Variants in RARB observed in about 807,000 individuals in gnomAD.
RARB encodes the protein HBV-activated protein.
Under a neutral mutation model 51.9 loss-of-function variants are expected in RARB, and 17 were observed. The ratio of observed to expected loss-of-function variants is 0.33; its 90% CI spans 0.22 to 0.49. RARB has a LOEUF of 0.49. RARB is among the 20% of genes least tolerant of loss of function. The pLI, the probability that RARB is intolerant of heterozygous loss-of-function variation, is 0.99. For missense variants in RARB, 369 were observed against 550.8 expected (o/e 0.67, Z 3.30); for synonymous variants, 215 against 195.4 (o/e 1.10, Z -0.84).
At chr3:25,281,188 A>C (rs1448872862) in intron 5 of RARB, among the ~76,000 whole-genome samples, 2 of 152,170 alleles carry the variant, frequency 1.3e-5, no homozygotes, top group African/African-American at 4.8e-5. Flanking sequence ...GTTGCACTTG[A>C]AAGTTAAGGC....
chr3:25,386,788 T>G (rs1275122544), intron 5 of RARB, among the ~76,000 whole-genome samples: 1 of 152,234 alleles, frequency 6.6e-6, no homozygotes, highest in Admixed American at 6.5e-5. Flanking sequence ...TCTGAACATG[T>G]ACCATCTTGG....
At chr3:25,225,876 C>A (rs1296800848) in intron 5 of RARB, among the ~76,000 whole-genome samples, 1 of 152,152 alleles carries the variant, frequency 6.6e-6, no homozygotes, top group African/African-American at 2.4e-5. Flanking sequence ...GATAATTCAC[C>A]CAACAACCTT....
chr3:24,994,139 TC>T (rs931210600), intron 2 of RARB, among the ~76,000 whole-genome samples: 8 of 152,230 alleles, frequency 5.3e-5, no homozygotes, highest in Admixed American at 1.3e-4. Context: ...GTAAGGCTTC[TC>T]TTTTATCCAC....
At chr3:25,259,492 A>C (rs548394174) in intron 5 of RARB, among the ~76,000 whole-genome samples, 5 of 152,150 alleles carry the variant, frequency 3.3e-5, no homozygotes, top group Admixed American at 3.3e-4. Context: ...CTGGATGTCA[A>C]TGTCCAAGGT....
intron 5 of RARB, among the ~76,000 whole-genome samples, chr3:25,227,177 T>C (rs1279803655): frequency 6.6e-6 from 1 of 152,202 alleles, no homozygotes; most frequent in East Asian, 1.9e-4. Flanking sequence ...TAAATATGTT[T>C]GCTGAAACGA....
intron 2 of RARB, among the ~76,000 whole-genome samples, chr3:25,001,812 G>T (rs1272676588): frequency 6.6e-6 from 1 of 152,108 alleles, no homozygotes; most frequent in African/African-American, 2.4e-5. Context: ...TGTGTTCACT[G>T]AATCTTATCA....
intron 5 of RARB, among the ~76,000 whole-genome samples, chr3:25,201,756 C>A (rs1476420653): frequency 1.3e-5 from 2 of 152,174 alleles, no homozygotes; most frequent in Non-Finnish European, 2.9e-5. Context: ...TATGTTGAAC[C>A]AGCCTTGCAT....
chr3:24,986,225 T>C lies in RARB; in HGVS notation c.-379-73900T>C, dbSNP rs540083712. Reference sequence around the variant, plus strand: ...GCTGGAAATATGGAGGTGAATAAAATAGAACTTTAAAATTATACAGAACAT... The same window carrying C: ...GCTGGAAATATGGAGGTGAATAAAACAGAACTTTAAAATTATACAGAACAT... On this transcript the variant is annotated intron_variant, in intron 2 of 11. Transcript: ENST00000383772. Among the ~76,000 whole-genome samples the C allele has an allele frequency of 4.6e-5, 7 of 152,296 alleles. No homozygotes were observed. In the South Asian group the frequency reaches 1.5e-3, roughly 32 times the overall value.
chr3:25,485,242 T>G (rs1696405858), intron 2 of RARB, among the ~76,000 whole-genome samples: 1 of 152,216 alleles, frequency 6.6e-6, no homozygotes, highest in Admixed American at 6.5e-5. Context: ...AATGTCATTC[T>G]TTACTAAGAA....
chr3:24,880,503 G>T (rs184918910), intron 2 of RARB, among the ~76,000 whole-genome samples: 4 of 152,214 alleles, frequency 2.6e-5, no homozygotes. Flanking sequence ...ATACCTATTT[G>T]TTCTTCTTAA....
chr3:24,938,329 T>G (rs1695588041), intron 2 of RARB, among the ~76,000 whole-genome samples: 1 of 152,188 alleles, frequency 6.6e-6, no homozygotes, highest in Non-Finnish European at 1.5e-5. Flanking sequence ...TACTGTAGTT[T>G]GTTAGAGAAC....
intron 5 of RARB, among the ~76,000 whole-genome samples, chr3:25,247,586 C>T (rs1336826557): frequency 6.6e-6 from 1 of 152,184 alleles, no homozygotes; most frequent in Non-Finnish European, 1.5e-5. Flanking sequence ...AGTTCCCTCA[C>T]CCCTTGAACT....
chr3:24,953,114 G>T (rs1226881712), intron 2 of RARB, among the ~76,000 whole-genome samples: 4 of 152,090 alleles, frequency 2.6e-5, no homozygotes. Flanking sequence ...GGGTTTGGGG[G>T]CATATAGATG....
chr3:24,913,804 A>G (rs1254496631), intron 2 of RARB, among the ~76,000 whole-genome samples: 1 of 152,232 alleles, frequency 6.6e-6, no homozygotes, highest in Non-Finnish European at 1.5e-5. Context: ...GTCAATAATT[A>G]TGAATTTGTA....
At chr3:25,342,492 A>G (rs1705260021) in intron 5 of RARB, among the ~76,000 whole-genome samples, 1 of 152,208 alleles carries the variant, frequency 6.6e-6, no homozygotes, top group African/African-American at 2.4e-5. Context: ...TCAACAGGAT[A>G]AAAAGCAGAT....
intron 2 of RARB, among the ~76,000 whole-genome samples, chr3:25,475,857 CTTCCCAT>C (rs1185183579): frequency 6.6e-6 from 1 of 152,212 alleles, no homozygotes; most frequent in African/African-American, 2.4e-5. Context: ...GGCCCTAACT[CTTCCCAT>C]TTTAGTTATG....
chr3:25,406,914 C>T (rs970481217), intron 5 of RARB, among the ~76,000 whole-genome samples: 1 of 152,202 alleles, frequency 6.6e-6, no homozygotes, highest in African/African-American at 2.4e-5. Flanking sequence ...CTAATCATCC[C>T]CACCAGCCCT....
chr3:25,073,357 A>C (rs1299626024), intron 3 of RARB, among the ~76,000 whole-genome samples: 1 of 152,206 alleles, frequency 6.6e-6, no homozygotes, highest in African/African-American at 2.4e-5. Context: ...CACAAATTCA[A>C]TGCAGGTCAT....
chr3:24,878,460 G>C (rs1703092462), intron 2 of RARB, among the ~76,000 whole-genome samples: 2 of 152,064 alleles, frequency 1.3e-5, no homozygotes, highest in Middle Eastern at 3.4e-3. Context: ...ATTTGGAGTG[G>C]GAAGCAAAAG....
Sources: gnomAD v4.1 joint callset for allele counts (sites outside exome capture counted in the v4.1 genomes callset) on GRCh38, gnomAD v4.1.1 for gene constraint, MANE v1.5 for transcripts, NCBI Gene and HGNC (gene_info 2026-07-23, HGNC 2026-07-21) for gene names.